The following LRP1B variants were observed in gnomAD, a reference collection of about 807,000 sequenced individuals.
The protein encoded by LRP1B is low-density lipoprotein receptor-related protein 1B.
In LRP1B, 217 loss-of-function variants were observed where a neutral mutation model predicts 556.6. That is an observed-to-expected ratio of 0.39 (90% CI 0.35 to 0.44). The LOEUF is 0.44. LRP1B is among the 20% of genes least tolerant of loss of function. The probability of loss-of-function intolerance (pLI) is 1.00; values close to 1 mark genes in which losing one functional copy is unlikely to be tolerated. For synonymous variants in LRP1B, 2,047 were observed against 1,865.8 expected (o/e 1.10, Z -2.50); for missense variants, 5,053 against 5,620.8 (o/e 0.90, Z 3.23).
At chr2:140,835,251 GTCT>G (rs900869121) in intron 31 of LRP1B, among the ~76,000 whole-genome samples, 7 of 152,190 alleles carry the variant, frequency 4.6e-5, no homozygotes, top group African/African-American at 1.7e-4. Context: ...TTCATCTGAG[GTCT>G]TCTTATCTGC....
At chr2:140,762,782 A>T (rs1688971606) in intron 35 of LRP1B, among the ~76,000 whole-genome samples, 1 of 152,202 alleles carries the variant, frequency 6.6e-6, no homozygotes, top group South Asian at 2.1e-4. Flanking sequence ...TGTCTAGTTG[A>T]TTAAAAATTA....
chr2:141,058,278 T>A (rs1377363605), intron 9 of LRP1B, among the ~76,000 whole-genome samples: 2 of 151,894 alleles, frequency 1.3e-5, no homozygotes, highest in African/African-American at 2.4e-5. Flanking sequence ...TAATTTGAAA[T>A]ACAAGTATAA....
intron 1 of LRP1B, among the ~76,000 whole-genome samples, chr2:141,821,091 T>A (rs1007640385): frequency 1.3e-5 from 2 of 152,150 alleles, no homozygotes; most frequent in African/African-American, 4.8e-5. Flanking sequence ...CATCAAGGAA[T>A]GTAGGCTAAC....
At chr2:140,521,196 A>AGAT (rs1690157825) in intron 49 of LRP1B, among the ~76,000 whole-genome samples, 1 of 152,084 alleles carries the variant, frequency 6.6e-6, no homozygotes, top group Non-Finnish European at 1.5e-5. Context: ...AGATAGCCAG[A>AGAT]GATCTCCTGC....
chr2:141,053,552 T>C (rs535206550), intron 10 of LRP1B, among the ~76,000 whole-genome samples: 6 of 152,124 alleles, frequency 3.9e-5, no homozygotes, highest in African/African-American at 1.4e-4. Context: ...GTATGGTAGA[T>C]GTTCCAGCTT....
chr2:140,995,086 G>A (rs7560432), intron 15 of LRP1B, among the ~76,000 whole-genome samples: 84,694 of 151,724 alleles, frequency 0.56, 24,868 homozygotes, highest in Non-Finnish European at 0.65. Context: ...TGCTGGAACT[G>A]CCTGTTTTAA....
intron 47 of LRP1B, among the ~76,000 whole-genome samples, chr2:140,530,231 T>C (rs772018394): frequency 8.6e-5 from 13 of 152,034 alleles, no homozygotes; most frequent in Non-Finnish European, 1.9e-4. Context: ...TTTATTTTGA[T>C]TAAAAAGTGA....
chr2:141,619,905 T>C (rs1688442030), intron 2 of LRP1B, among the ~76,000 whole-genome samples: 1 of 152,228 alleles, frequency 6.6e-6, no homozygotes, highest in Non-Finnish European at 1.5e-5. Flanking sequence ...CTAATGTTGA[T>C]GATTGTCTGA....
At chr2:141,059,135 G>C (rs1213198665) in intron 8 of LRP1B, 81 bp from the exon 9 acceptor site, 3 of 904,452 alleles carry the variant, frequency 3.3e-6, no homozygotes, top group South Asian at 2.5e-5. Flanking sequence ...CTATTTACTA[G>C]TATGGAAAAT....
At chr2:141,097,494 A>C (rs1700351726) in intron 7 of LRP1B, among the ~76,000 whole-genome samples, 1 of 152,336 alleles carries the variant, frequency 6.6e-6, no homozygotes, top group Middle Eastern at 3.4e-3. Flanking sequence ...AAGTTGGGGT[A>C]AAGAAAATGG....
chr2:140,928,020 A>G (rs1452643227), intron 20 of LRP1B, among the ~76,000 whole-genome samples: 5 of 151,964 alleles, frequency 3.3e-5, no homozygotes, highest in Admixed American at 2.0e-4. Flanking sequence ...TTCTGGGATT[A>G]CAGGCAAGAG....
chr2:141,816,230 G>A (rs1022376971), intron 1 of LRP1B, among the ~76,000 whole-genome samples: 2 of 152,134 alleles, frequency 1.3e-5, no homozygotes, highest in African/African-American at 4.8e-5. Flanking sequence ...GCAAAGTATT[G>A]TTCCTGGGTG....
intron 41 of LRP1B, among the ~76,000 whole-genome samples, chr2:140,699,445 G>A (rs1686551255): frequency 6.6e-6 from 1 of 151,802 alleles, no homozygotes; most frequent in South Asian, 2.1e-4. Flanking sequence ...ATGAGTCAGG[G>A]ATTTCATATT....
intron 2 of LRP1B, among the ~76,000 whole-genome samples, chr2:141,718,538 A>T (rs1435342446): frequency 6.6e-6 from 1 of 152,190 alleles, no homozygotes; most frequent in Non-Finnish European, 1.5e-5. Flanking sequence ...ACTCTCAGGT[A>T]CTTAATGGCA....
intron 35 of LRP1B, among the ~76,000 whole-genome samples, chr2:140,748,980 C>T (rs576120162): frequency 2.9e-4 from 44 of 151,192 alleles, no homozygotes; most frequent in African/African-American, 1.0e-3. Flanking sequence ...AACTACTACA[C>T]GCTTAGGTTA....
chr2:141,469,856 G>A (rs1297805877), intron 3 of LRP1B, among the ~76,000 whole-genome samples: 4 of 152,106 alleles, frequency 2.6e-5, no homozygotes, highest in African/African-American at 9.7e-5. Context: ...ATAGTCAACT[G>A]TCATCTGAAA....
At chr2:141,035,244 T>C (rs1698498054) in intron 11 of LRP1B, among the ~76,000 whole-genome samples, 1 of 152,076 alleles carries the variant, frequency 6.6e-6, no homozygotes, top group Non-Finnish European at 1.5e-5. Flanking sequence ...TTAGGAGATA[T>C]AACTAATGCT....
chr2:141,735,823 G>A (rs1693444117), intron 2 of LRP1B, among the ~76,000 whole-genome samples: 1 of 152,020 alleles, frequency 6.6e-6, no homozygotes, highest in Non-Finnish European at 1.5e-5. Flanking sequence ...TCTAGACTTA[G>A]CTGCTGACTC....
intron 41 of LRP1B, among the ~76,000 whole-genome samples, chr2:140,686,435 A>G (rs1001931647): frequency 2.0e-4 from 31 of 152,114 alleles, no homozygotes; most frequent in African/African-American, 7.5e-4. Flanking sequence ...TGATAAGAAA[A>G]GTAGTTAGTG....
Sources: gnomAD v4.1 joint callset for allele counts (sites outside exome capture counted in the v4.1 genomes callset) on GRCh38, gnomAD v4.1.1 for gene constraint, MANE v1.5 for transcripts, NCBI Gene and HGNC (gene_info 2026-07-23, HGNC 2026-07-21) for gene names.